PTPRD: variants seen among roughly 807,000 people sequenced by gnomAD.
The protein encoded by PTPRD is receptor-type tyrosine-protein phosphatase delta.
A neutral mutation model predicts 214.5 loss-of-function variants in PTPRD; 34 were observed. The ratio of observed to expected loss-of-function variants is 0.16; its 90% CI spans 0.12 to 0.21. PTPRD has a LOEUF of 0.21. PTPRD is among the 10% of genes least tolerant of loss of function. The pLI is 1.00. For synonymous variants in PTPRD, 1,128 were observed against 845.7 expected (o/e 1.33, Z -5.79); for missense variants, 2,545 against 2,398.7 (o/e 1.06, Z -1.27).
intron 44 of PTPRD, among the ~76,000 whole-genome samples, chr9:8,320,382 C>T (rs1459664077): frequency 6.6e-6 from 1 of 152,090 alleles, no homozygotes; most frequent in Non-Finnish European, 1.5e-5. Context: ...TTCAACTTTT[C>T]TATCACACTG....
At chr9:9,475,192 C>A (rs1009036933) in intron 8 of PTPRD, among the ~76,000 whole-genome samples, 2 of 152,134 alleles carry the variant, frequency 1.3e-5, no homozygotes, top group Admixed American at 6.5e-5. Context: ...TCTCAACATC[C>A]ACAGCAAATA....
intron 2 of PTPRD, among the ~76,000 whole-genome samples, chr9:10,509,470 CATCT>C (rs4008059): frequency 0.029 from 3,964 of 137,984 alleles, 190 homozygotes; most frequent in African/African-American, 0.1. Context: ...TTGATTGATC[CATCT>C]ATCTATCTAT....
At chr9:8,550,506 G>C (rs894014436) in intron 14 of PTPRD, among the ~76,000 whole-genome samples, 9 of 152,050 alleles carry the variant, frequency 5.9e-5, no homozygotes, top group African/African-American at 2.2e-4. Flanking sequence ...CAAAATCTTA[G>C]TTGGTTAAAT....
chr9:8,946,355 A>G (rs2099064199), intron 11 of PTPRD, among the ~76,000 whole-genome samples: 1 of 152,128 alleles, frequency 6.6e-6, no homozygotes. Context: ...GCAGCAGTAT[A>G]TAGGTTTCGA....
At chr9:8,810,090 G>A (rs148139467) in intron 11 of PTPRD, among the ~76,000 whole-genome samples, 62 of 152,276 alleles carry the variant, frequency 4.1e-4, no homozygotes, top group African/African-American at 1.3e-3. Flanking sequence ...CACACTGGAC[G>A]TTTACTACTG....
chr9:8,527,537 A>T (rs1025837432), intron 15 of PTPRD, among the ~76,000 whole-genome samples, 184 bp from the exon 16 acceptor site: 1 of 152,054 alleles, frequency 6.6e-6, no homozygotes, highest in African/African-American at 2.4e-5. Flanking sequence ...GACAACAAGC[A>T]AAAGAGGCAG....
intron 6 of PTPRD, among the ~76,000 whole-genome samples, chr9:9,737,278 C>T (rs1474516635): frequency 6.6e-6 from 1 of 152,056 alleles, no homozygotes; most frequent in Non-Finnish European, 1.5e-5. Context: ...CACAATATGC[C>T]TAATAATATG....
At chr9:8,456,240 A>G (rs1394915738) in intron 33 of PTPRD, among the ~76,000 whole-genome samples, 1 of 152,190 alleles carries the variant, frequency 6.6e-6, no homozygotes, top group African/African-American at 2.4e-5. Context: ...AGGGGCATTG[A>G]CAGTAACGCA....
chr9:9,622,483 T>A (rs538474855), intron 7 of PTPRD, among the ~76,000 whole-genome samples: 14 of 152,330 alleles, frequency 9.2e-5, no homozygotes, highest in African/African-American at 3.1e-4. Flanking sequence ...TGTTATTGCA[T>A]CTCAGAAGAA....
intron 10 of PTPRD, among the ~76,000 whole-genome samples, chr9:9,085,261 A>G (rs1012183859): frequency 5.9e-5 from 9 of 152,200 alleles, no homozygotes; most frequent in Non-Finnish European, 5.9e-5. Context: ...ATTATTTTAT[A>G]ACTACCTATT....
At chr9:9,944,097 G>T (rs76120877) in intron 4 of PTPRD, among the ~76,000 whole-genome samples, 13,046 of 152,214 alleles carry the variant, frequency 0.086, 1,868 homozygotes, top group African/African-American at 0.3. Context: ...GGCTTAGCCT[G>T]TTAGTCACAA....
chr9:9,841,345 G>C (rs1460591578), intron 5 of PTPRD, among the ~76,000 whole-genome samples: 2 of 152,024 alleles, frequency 1.3e-5, no homozygotes, highest in African/African-American at 2.4e-5. Flanking sequence ...TCTCTTACTA[G>C]CTATATAACT....
chr9:8,443,656 T>C (rs1299536320), intron 34 of PTPRD, among the ~76,000 whole-genome samples: 4 of 152,154 alleles, frequency 2.6e-5, no homozygotes, highest in East Asian at 1.9e-4. Flanking sequence ...ATAAACACTA[T>C]AGTTTTGGTT....
At chr9:10,179,607 A>G (rs1457273992) in intron 3 of PTPRD, among the ~76,000 whole-genome samples, 1 of 152,082 alleles carries the variant, frequency 6.6e-6, no homozygotes, top group Non-Finnish European at 1.5e-5. Context: ...GGGATATGAT[A>G]ACTTACATTT....
chr9:9,594,472 G>T (rs1380766519), intron 7 of PTPRD, among the ~76,000 whole-genome samples: 1 of 152,008 alleles, frequency 6.6e-6, no homozygotes, highest in Non-Finnish European at 1.5e-5. Flanking sequence ...TGAGGATCCA[G>T]TTTCATTCTC....
chr9:8,870,096 T>C (rs2098269426), intron 11 of PTPRD, among the ~76,000 whole-genome samples: 1 of 151,482 alleles, frequency 6.6e-6, no homozygotes, highest in Non-Finnish European at 1.5e-5. Context: ...CATGAGCTAT[T>C]TGTGTTGGTA....
At chr9:9,522,230 T>A (rs1167595482) in intron 8 of PTPRD, among the ~76,000 whole-genome samples, 1 of 152,006 alleles carries the variant, frequency 6.6e-6, no homozygotes, top group Non-Finnish European at 1.5e-5. Context: ...TGACAACCTT[T>A]AATTTAGATC....
At chr9:9,453,877 T>C (rs1454763036) in intron 8 of PTPRD, among the ~76,000 whole-genome samples, 1 of 151,676 alleles carries the variant, frequency 6.6e-6, no homozygotes, top group East Asian at 1.9e-4. Flanking sequence ...AGTGCCACAT[T>C]ACTCTTCAAT....
At chr9:9,897,131 TACACAC>T (rs60964311) in intron 5 of PTPRD, among the ~76,000 whole-genome samples, 88,988 of 148,826 alleles carry the variant, frequency 0.6, 28,124 homozygotes, top group Admixed American at 0.71. Context: ...CTCTTACACT[TACACAC>T]ACACACACAC....
Sources: gnomAD v4.1 joint callset for allele counts (sites outside exome capture counted in the v4.1 genomes callset) on GRCh38, gnomAD v4.1.1 for gene constraint, MANE v1.5 for transcripts, NCBI Gene and HGNC (gene_info 2026-07-23, HGNC 2026-07-21) for gene names.